Variants in PTGER3 observed in about 807,000 individuals in gnomAD.
PTGER3 encodes the protein prostaglandin E receptor 3.
A neutral mutation model predicts 34.7 loss-of-function variants in PTGER3; 22 were observed. The ratio of observed to expected loss-of-function variants is 0.63; its 90% confidence interval spans 0.45 to 0.91. PTGER3 has a LOEUF of 0.91. PTGER3 is among the 40% of genes least tolerant of loss of function. The pLI is 0.00. For missense variants in PTGER3, 468 were observed against 519.4 expected (o/e 0.90, Z 0.96); for synonymous variants, 241 against 230.1 (o/e 1.05, Z -0.43).
chr1:70,907,637 A>G (rs1443597443), intron 4 of PTGER3, among the ~76,000 whole-genome samples: 1 of 152,198 alleles, frequency 6.6e-6, no homozygotes, highest in African/African-American at 2.4e-5. Flanking sequence ...AATGAATGGT[A>G]CTTTTGCGAT....
At chr1:71,033,698 C>A (rs1191696129) in intron 1 of PTGER3, among the ~76,000 whole-genome samples, 1 of 151,958 alleles carries the variant, frequency 6.6e-6, no homozygotes, top group Non-Finnish European at 1.5e-5. Flanking sequence ...ATGGAAAATG[C>A]TGCTGCTTTT....
chr1:71,018,097 G>A (rs1658073949), intron 1 of PTGER3, among the ~76,000 whole-genome samples: 1 of 151,972 alleles, frequency 6.6e-6, no homozygotes, highest in Non-Finnish European at 1.5e-5. Context: ...GTCTCAGGTG[G>A]ACTAATACAG....
chr1:70,911,169 G>A (rs1217005204), intron 4 of PTGER3, among the ~76,000 whole-genome samples: 1 of 150,924 alleles, frequency 6.6e-6, no homozygotes, highest in African/African-American at 2.4e-5. Context: ...ATTCTAGATT[G>A]AGAACCAAAA....
intron 2 of PTGER3, among the ~76,000 whole-genome samples, chr1:70,986,261 T>C (rs1038712794): frequency 1.3e-5 from 2 of 152,176 alleles, no homozygotes; most frequent in Admixed American, 1.3e-4. Flanking sequence ...TCGGGGCTGC[T>C]TTTTCTATGG....
intron 2 of PTGER3, chr1:71,008,172 CAG>C: frequency 1.0e-6 from 1 of 956,476 alleles, no homozygotes; most frequent in Non-Finnish European, 1.2e-6. Flanking sequence ...TAGGAGAAAA[CAG>C]TGTAGTTTCA....
At chr1:70,952,767 G>A (rs1650887287) in exon 4 of PTGER3, 1 of 1,320,148 alleles carries the variant, frequency 7.6e-7, no homozygotes, top group Non-Finnish European at 9.7e-7. Flanking sequence ...CAAATGACCT[G>A]GCTTGCTGGT....
At chr1:70,857,530 CTTATTTAT>C (rs148069112) in intron 4 of PTGER3, among the ~76,000 whole-genome samples, 3 of 151,158 alleles carry the variant, frequency 2.0e-5, no homozygotes, top group Non-Finnish European at 2.9e-5. Context: ...GGATTTCACT[CTTATTTAT>C]TTATTTATTT....
At chr1:70,880,382 C>CTT (rs57067363) in intron 4 of PTGER3, among the ~76,000 whole-genome samples, 3 of 140,352 alleles carry the variant, frequency 2.1e-5, no homozygotes, top group East Asian at 2.1e-4. Context: ...TTTCTTTTTT[C>CTT]TTTTTTTTTT....
At chr1:70,952,556 T>A in exon 4 of PTGER3, 1 of 996,806 alleles carries the variant, frequency 1.0e-6, no homozygotes. Context: ...ATATTTCTTC[T>A]GGACCAAATG....
intron 4 of PTGER3, among the ~76,000 whole-genome samples, chr1:70,897,082 C>G (rs1335934449): frequency 6.6e-6 from 1 of 152,072 alleles, no homozygotes; most frequent in Non-Finnish European, 1.5e-5. Context: ...CTGTGGAATG[C>G]CTCTTCCTTT....
At chr1:70,936,828 C>T (rs966243335) in intron 4 of PTGER3, among the ~76,000 whole-genome samples, 5 of 152,124 alleles carry the variant, frequency 3.3e-5, no homozygotes, top group Non-Finnish European at 7.3e-5. Flanking sequence ...TAGCATAATG[C>T]TTAAAATTTC....
At chr1:71,041,538 G>A (rs1480285574) in intron 1 of PTGER3, among the ~76,000 whole-genome samples, 1 of 152,104 alleles carries the variant, frequency 6.6e-6, no homozygotes, top group Non-Finnish European at 1.5e-5. Flanking sequence ...TAGGGGACAA[G>A]ATATAAGAGG....
intron 1 of PTGER3, among the ~76,000 whole-genome samples, chr1:71,024,844 C>T (rs1012934716): frequency 1.3e-5 from 2 of 150,532 alleles, no homozygotes; most frequent in East Asian, 1.9e-4. Context: ...CATGAGCCAC[C>T]GTGCCCGGCT....
At chr1:70,852,902 C>A (rs199592400) in intron 4 of PTGER3, 82 of 1,586,788 alleles carry the variant, frequency 5.2e-5, no homozygotes, top group Non-Finnish European at 3.6e-5. Context: ...ATAATAAATG[C>A]ACTGTTAATA....
chr1:70,885,655 A>G (rs537723674), intron 4 of PTGER3, among the ~76,000 whole-genome samples: 11 of 152,318 alleles, frequency 7.2e-5, no homozygotes, highest in African/African-American at 2.4e-4. Context: ...TTAATGTGTC[A>G]GGCACTGTGC....
intron 4 of PTGER3, among the ~76,000 whole-genome samples, chr1:70,863,215 C>A (rs1645966847): frequency 6.6e-6 from 1 of 151,726 alleles, no homozygotes; most frequent in Non-Finnish European, 1.5e-5. Context: ...TTCGTCTTTG[C>A]CCAAGATGTG....
At chr1:70,949,143 A>G (rs1320764369), downstream of PTGER3, among the ~76,000 whole-genome samples, 1 of 151,964 alleles carries the variant, frequency 6.6e-6, no homozygotes, top group Non-Finnish European at 1.5e-5. Context: ...ATCTACGGAT[A>G]AATATACGAA....
chr1:70,993,281 C>G (rs989787489), intron 2 of PTGER3, among the ~76,000 whole-genome samples: 2 of 152,204 alleles, frequency 1.3e-5, no homozygotes, highest in African/African-American at 4.8e-5. Flanking sequence ...GGGAAAACTT[C>G]TAGAGAGACA....
chr1:70,909,603 G>T (rs1354331225), intron 4 of PTGER3, among the ~76,000 whole-genome samples: 3 of 152,114 alleles, frequency 2.0e-5, no homozygotes, highest in African/African-American at 7.2e-5. Flanking sequence ...AAGATGTTGG[G>T]TAACTGTACA....
Sources: allele counts gnomAD v4.1 joint callset (sites outside exome capture counted in the v4.1 genomes callset), GRCh38; gene constraint gnomAD v4.1.1; transcripts MANE v1.5; gene names NCBI Gene and HGNC (gene_info 2026-07-23, HGNC 2026-07-21).